The following CALN1 variants were observed in gnomAD, a reference collection of about 807,000 sequenced individuals.
The protein encoded by CALN1 is calneuron 1.
Under a neutral mutation model 30.6 loss-of-function variants are expected in CALN1, and 17 were observed. The ratio of observed to expected loss-of-function variants is 0.56; its 90% CI spans 0.38 to 0.83. The LOEUF (loss-of-function observed/expected upper bound fraction) is 0.83, where lower values mean the gene tolerates loss of function less well. Ranked by LOEUF, CALN1 falls within the 40% of genes least tolerant of loss-of-function variation. The pLI, the probability that CALN1 is intolerant of heterozygous loss-of-function variation, is 0.00. For synonymous variants in CALN1, 156 were observed against 131.4 expected (o/e 1.19, Z -1.28); for missense variants, 291 against 354.9 (o/e 0.82, Z 1.45).
chr7:71,819,630 A>AT (rs1317643616), intron 5 of CALN1, among the ~76,000 whole-genome samples: 1 of 152,188 alleles, frequency 6.6e-6, no homozygotes, highest in Non-Finnish European at 1.5e-5. Flanking sequence ...ATTATTAATT[A>AT]TCATTAAACA....
intron 3 of CALN1, among the ~76,000 whole-genome samples, chr7:72,133,470 G>A (rs1183233812): frequency 2.6e-5 from 4 of 152,208 alleles, no homozygotes; most frequent in Non-Finnish European, 5.9e-5. Context: ...TGAAAAGATG[G>A]TGGACTTAGA....
At chr7:72,224,358 T>C (rs934230199) in intron 3 of CALN1, among the ~76,000 whole-genome samples, 2 of 152,182 alleles carry the variant, frequency 1.3e-5, no homozygotes, top group African/African-American at 4.8e-5. Context: ...CTAAGTCATA[T>C]GGAAGGCAAA....
chr7:71,983,323 A>C (rs1278044143), intron 5 of CALN1, among the ~76,000 whole-genome samples: 1 of 152,226 alleles, frequency 6.6e-6, no homozygotes, highest in Non-Finnish European at 1.5e-5. Context: ...ATTCAGAAGG[A>C]AACAAAATGA....
At chr7:72,407,121 G>A (rs1328702171) in intron 1 of CALN1, among the ~76,000 whole-genome samples, 1 of 152,148 alleles carries the variant, frequency 6.6e-6, no homozygotes, top group Non-Finnish European at 1.5e-5. Context: ...GCAGAGAATG[G>A]TGAAGTAATA....
chr7:72,163,945 G>C (rs1055410856), intron 3 of CALN1, among the ~76,000 whole-genome samples: 1 of 151,756 alleles, frequency 6.6e-6, no homozygotes, highest in African/African-American at 2.4e-5. Context: ...CAAAAAGAAA[G>C]AAGAAAGAAA....
chr7:72,361,631 C>T (rs1322300575), intron 2 of CALN1, among the ~76,000 whole-genome samples: 1 of 152,204 alleles, frequency 6.6e-6, no homozygotes, highest in African/African-American at 2.4e-5. Context: ...CGTTTACATT[C>T]ACTTGATCGC....
chr7:72,110,599 T>A (rs1378522718), intron 3 of CALN1, among the ~76,000 whole-genome samples: 2 of 151,706 alleles, frequency 1.3e-5, no homozygotes, highest in South Asian at 2.1e-4. Flanking sequence ...AATTCGTGTG[T>A]GTGTCTATGT....
intron 2 of CALN1, among the ~76,000 whole-genome samples, chr7:72,381,911 G>C (rs931281367): frequency 6.6e-6 from 1 of 152,282 alleles, no homozygotes; most frequent in Middle Eastern, 3.4e-3. Flanking sequence ...CAAACCCATA[G>C]AAGAGAGGAT....
At chr7:72,218,969 C>CA (rs1461617386) in intron 3 of CALN1, among the ~76,000 whole-genome samples, 1 of 152,176 alleles carries the variant, frequency 6.6e-6, no homozygotes, top group African/African-American at 2.4e-5. Context: ...CCAAGAGCGA[C>CA]AGAGTGCAGG....
chr7:72,010,873 A>G (rs1274649173), intron 5 of CALN1, among the ~76,000 whole-genome samples: 1 of 151,688 alleles, frequency 6.6e-6, no homozygotes, highest in Admixed American at 6.6e-5. Context: ...AAGGAAAATT[A>G]GCCAGGCGTG....
intron 5 of CALN1, among the ~76,000 whole-genome samples, chr7:71,921,686 C>T (rs188199673): frequency 2.0e-5 from 3 of 152,204 alleles, no homozygotes; most frequent in Admixed American, 2.0e-4. Context: ...AAAATTATGG[C>T]ATTTAGTGTG....
intron 5 of CALN1, among the ~76,000 whole-genome samples, chr7:71,912,394 C>A (rs903001985): frequency 7.2e-5 from 11 of 152,084 alleles, no homozygotes; most frequent in African/African-American, 2.7e-4. Flanking sequence ...TAGGATGGAT[C>A]TCAAGTGTTT....
intron 2 of CALN1, among the ~76,000 whole-genome samples, chr7:72,374,242 T>C (rs543844789): frequency 6.6e-6 from 1 of 152,292 alleles, no homozygotes; most frequent in African/African-American, 2.4e-5. Context: ...TTGAAATGTT[T>C]AGCAGGCTGG....
intron 4 of CALN1, among the ~76,000 whole-genome samples, chr7:72,067,274 C>T (rs1007483095): frequency 1.3e-5 from 2 of 152,084 alleles, no homozygotes; most frequent in African/African-American, 4.8e-5. Flanking sequence ...CAAGGTCTCT[C>T]TCTGTCACCC....
chr7:72,060,056 G>A (rs950465120), intron 4 of CALN1, among the ~76,000 whole-genome samples: 1 of 152,042 alleles, frequency 6.6e-6, no homozygotes, highest in Non-Finnish European at 1.5e-5. Flanking sequence ...TAAAGACCCC[G>A]GGCAGTGGGC....
chr7:72,108,024 C>A (rs1372905343), intron 3 of CALN1, among the ~76,000 whole-genome samples: 2 of 152,184 alleles, frequency 1.3e-5, no homozygotes, highest in Non-Finnish European at 2.9e-5. Context: ...GAAATCTATT[C>A]TCTCACAGTC....
At chr7:72,031,934 G>C (rs916002213) in intron 4 of CALN1, among the ~76,000 whole-genome samples, 3 of 151,278 alleles carry the variant, frequency 2.0e-5, no homozygotes, top group Admixed American at 1.3e-4. Flanking sequence ...GTAAAGACAG[G>C]GTTTTGCCAT....
At chr7:71,921,523 AAAG>A (rs1794944429) in intron 5 of CALN1, among the ~76,000 whole-genome samples, 2 of 152,122 alleles carry the variant, frequency 1.3e-5, no homozygotes, top group African/African-American at 2.4e-5. Flanking sequence ...ATGAGAAGAG[AAAG>A]AAGAAGACAA....
At chr7:72,444,539 G>A (rs529264857) in intron 1 of CALN1, among the ~76,000 whole-genome samples, 4 of 152,216 alleles carry the variant, frequency 2.6e-5, no homozygotes, top group South Asian at 4.1e-4. Context: ...TTGTTTCCAC[G>A]CCATGCCAGG....
Sources: allele counts gnomAD v4.1 joint callset (sites outside exome capture counted in the v4.1 genomes callset), GRCh38; gene constraint gnomAD v4.1.1; transcripts MANE v1.5; gene names NCBI Gene and HGNC (gene_info 2026-07-23, HGNC 2026-07-21).